ARHGEF28: variants seen among roughly 807,000 people sequenced by gnomAD.
ARHGEF28 encodes the protein Rho guanine nucleotide exchange factor 28, also known as 190 kDa guanine nucleotide exchange factor.
ARHGEF28 carries 152 observed loss-of-function variants against 206.6 expected under a neutral mutation model. The observed-to-expected ratio is 0.74, with a 90% confidence interval of 0.64 to 0.84. ARHGEF28 has a LOEUF of 0.84. Among genes scored for constraint, ARHGEF28 ranks in the 40% least tolerant of loss-of-function variants. The pLI is 0.00. For synonymous variants in ARHGEF28, 763 were observed against 776.4 expected, an observed-to-expected ratio of 0.98 and a Z score of 0.29; for missense variants, 2,028 against 2,073.2, an observed-to-expected ratio of 0.98 and a Z score of 0.42.
chr5:73,761,167 G>A (rs994455038), intron 4 of ARHGEF28, among the ~76,000 whole-genome samples: 40 of 152,138 alleles, frequency 2.6e-4, no homozygotes, highest in Admixed American at 5.9e-4. Context: ...TTAAAACGTA[G>A]CAGGATGCAT....
chr5:73,718,579 G>A (rs1214868453), intron 2 of ARHGEF28, among the ~76,000 whole-genome samples: 1 of 152,020 alleles, frequency 6.6e-6, no homozygotes, highest in Non-Finnish European at 1.5e-5. Context: ...GGCATAGACG[G>A]TACGTTGGTC....
chr5:73,923,035 T>C, intron 35 of ARHGEF28: 7 of 1,481,442 alleles, frequency 4.7e-6, no homozygotes, highest in Non-Finnish European at 6.3e-6. Context: ...TTGGCCAAAA[T>C]GTGATGGTCT....
At chr5:73,792,578 G>A (rs949553229) in intron 7 of ARHGEF28, among the ~76,000 whole-genome samples, 2 of 151,888 alleles carry the variant, frequency 1.3e-5, no homozygotes, top group African/African-American at 2.4e-5. Flanking sequence ...AAGTAAAAGG[G>A]TGTGACTCTT....
chr5:73,786,468 G>A (rs984103490), intron 7 of ARHGEF28: 3 of 152,196 alleles, frequency 2.0e-5, no homozygotes, highest in Admixed American at 2.0e-4. Context: ...TCAGCATTTG[G>A]GGGATAGAAA....
chr5:73,899,318 A>G (rs1366784298), intron 30 of ARHGEF28: 2 of 152,232 alleles, frequency 1.3e-5, no homozygotes, highest in African/African-American at 4.8e-5. Flanking sequence ...CCCCAGGGAC[A>G]GCTGGAGAGG....
intron 11 of ARHGEF28, among the ~76,000 whole-genome samples, chr5:73,843,859 C>T (rs1758136607): frequency 6.6e-6 from 1 of 152,082 alleles, no homozygotes; most frequent in South Asian, 2.1e-4. Flanking sequence ...ATTTTTCAAA[C>T]CTTTTAAAAA....
chr5:73,865,187 C>T (rs1340734477), intron 17 of ARHGEF28, among the ~76,000 whole-genome samples: 2 of 152,314 alleles, frequency 1.3e-5, no homozygotes, highest in African/African-American at 4.8e-5. Flanking sequence ...CAAATGTCTG[C>T]AAGCCTCACA....
intron 2 of ARHGEF28, among the ~76,000 whole-genome samples, chr5:73,734,948 C>G (rs1750822338): frequency 6.6e-6 from 1 of 152,052 alleles, no homozygotes; most frequent in Admixed American, 6.6e-5. Context: ...GCTTGGAGAA[C>G]TTGAGGAGGG....
At chr5:73,695,298 T>C (rs147124264) in intron 2 of ARHGEF28, among the ~76,000 whole-genome samples, 1 of 152,288 alleles carries the variant, frequency 6.6e-6, no homozygotes, top group East Asian at 1.9e-4. Flanking sequence ...GTTATCTCTT[T>C]GTCTATTGTG....
intron 35 of ARHGEF28, among the ~76,000 whole-genome samples, chr5:73,937,255 A>G (rs528222939): frequency 2.4e-4 from 36 of 152,282 alleles, no homozygotes; most frequent in African/African-American, 8.2e-4. Flanking sequence ...ATGTTAGGAG[A>G]CTAACTTAGA....
At chr5:73,802,574 T>G (rs1269829757) in intron 9 of ARHGEF28, among the ~76,000 whole-genome samples, 1 of 152,160 alleles carries the variant, frequency 6.6e-6, no homozygotes, top group Non-Finnish European at 1.5e-5. Flanking sequence ...ATTCCATTCC[T>G]AAAGACTCCC....
At chr5:73,702,801 G>A (rs1748682566) in intron 2 of ARHGEF28, among the ~76,000 whole-genome samples, 1 of 152,174 alleles carries the variant, frequency 6.6e-6, no homozygotes, top group Non-Finnish European at 1.5e-5. Flanking sequence ...TAGCCCCTTT[G>A]GGAGTAGGGA....
chr5:73,878,977 G>T (rs953927527), intron 22 of ARHGEF28, among the ~76,000 whole-genome samples: 2 of 152,094 alleles, frequency 1.3e-5, no homozygotes, highest in African/African-American at 4.8e-5. Context: ...GGCCTGCCTT[G>T]CTAGATTGGG....
Position 73,692,067 on chromosome 5 carries a change from A to G in ARHGEF28, c.33+7183A>G, listed in dbSNP as rs150724633. 4.6e-5 allele frequency among the ~76,000 whole-genome samples: 7 copies of G among 152,322 alleles called. No individual in the cohort carries two copies. In the East Asian group the frequency reaches 9.6e-4, roughly 21 times the overall value. On this transcript the variant is annotated intron_variant, in intron 2 of 35. Transcript: ENST00000513042. ...ATTTCTTTAGCTTTAATAACTGATA[A>G]TTATGTAGCTGGGGATTATGTTCTC...
Position 73,874,587 on chromosome 5 carries a change from G to C in ARHGEF28, c.2814+1341G>C, listed in dbSNP as rs1760331712. Among the ~76,000 whole-genome samples the C allele has an allele frequency of 2.9e-5, 3 of 102,170 alleles. 1 individual carries two copies. In the South Asian group the frequency reaches 1.1e-3, roughly 37 times the overall value. The allele number at this position is 102,170 out of a possible 152,430, so 67.0% of individuals were successfully genotyped here. On this transcript the variant is annotated intron_variant, in intron 22 of 35. Coordinates refer to ENST00000513042, the MANE Select transcript of ARHGEF28 (RefSeq NM_001177693.2). ...TCCCCCCTCCCCCCACCCCACAACA[G>C]TCCCCAGAGTGTGATGATCCCCTTC...
intron 9 of ARHGEF28, among the ~76,000 whole-genome samples, chr5:73,818,682 T>C (rs554297480): frequency 6.6e-6 from 1 of 152,346 alleles, no homozygotes; most frequent in Admixed American, 6.5e-5. Flanking sequence ...GGAGGCCCAT[T>C]ACAAACTCTT....
At chr5:73,716,059 TTGGAATGAAGACCAA>T (rs1435205085) in intron 2 of ARHGEF28, among the ~76,000 whole-genome samples, 1 of 152,222 alleles carries the variant, frequency 6.6e-6, no homozygotes, top group Non-Finnish European at 1.5e-5. Flanking sequence ...TAGGTTTGTT[TTGGAATGAAGACCAA>T]TGTAAATTTA....
chr5:73,880,072 G>A (rs1213656691), intron 22 of ARHGEF28, among the ~76,000 whole-genome samples: 1 of 152,192 alleles, frequency 6.6e-6, no homozygotes, highest in Admixed American at 6.5e-5. Flanking sequence ...AGCTGTGGTG[G>A]GCTCTACCCA....
intron 31 of ARHGEF28, chr5:73,902,280 G>A (rs925035646): frequency 5.3e-5 from 8 of 152,162 alleles, no homozygotes; most frequent in African/African-American, 9.7e-5. Flanking sequence ...GCTTTCTAAT[G>A]TATTGCTTCT....
Sources: allele counts gnomAD v4.1 joint callset (sites outside exome capture counted in the v4.1 genomes callset), GRCh38; gene constraint gnomAD v4.1.1; transcripts MANE v1.5; gene names NCBI Gene and HGNC (gene_info 2026-07-23, HGNC 2026-07-21).